The following KCNAB1 variants were observed in gnomAD, a reference collection of about 807,000 sequenced individuals.
The protein encoded by KCNAB1 is voltage-gated potassium channel subunit beta-1.
Under a neutral mutation model 64.6 loss-of-function variants are expected in KCNAB1, and 35 were observed. The ratio of observed to expected loss-of-function variants is 0.54; its 90% CI spans 0.41 to 0.72. The LOEUF is 0.72. Ranked by LOEUF, KCNAB1 falls within the 30% of genes least tolerant of loss-of-function variation. The probability of loss-of-function intolerance (pLI) is 0.00; values close to 1 mark genes in which losing one functional copy is unlikely to be tolerated. For missense variants in KCNAB1, 401 were observed against 512.9 expected, an observed-to-expected ratio of 0.78 and a Z score of 2.11; for synonymous variants, 177 against 183.8, an observed-to-expected ratio of 0.96 and a Z score of 0.30.
Position 156,403,373 on chromosome 3 carries a change from C to A in KCNAB1, c.276-18243C>A, listed in dbSNP as rs528150835. Among the ~76,000 whole-genome samples the A allele has an allele frequency of 2.6e-5, 4 of 152,292 alleles. No homozygotes were observed. The South Asian group carries it at 6.2e-4, about 24-fold the overall frequency. On this transcript the variant is annotated intron_variant, in intron 1 of 13. Transcript: ENST00000490337. ...CTAAGTCTGAGATTCCCACAGAATT[C>A]TCTGGTTATTTCTATTCTTTCTTTA...
intron 1 of KCNAB1, among the ~76,000 whole-genome samples, chr3:156,417,991 G>T: frequency 6.6e-6 from 1 of 152,192 alleles, no homozygotes; most frequent in Non-Finnish European, 1.5e-5. Flanking sequence ...GATGTCATTT[G>T]TTTCTAATAT....
intron 1 of KCNAB1, among the ~76,000 whole-genome samples, chr3:156,372,522 C>T (rs1050616976): frequency 6.6e-6 from 1 of 152,214 alleles, no homozygotes; most frequent in Non-Finnish European, 1.5e-5. Flanking sequence ...GCTTTTCTAG[C>T]AAGCTCCCAG....
intron 1 of KCNAB1, among the ~76,000 whole-genome samples, chr3:156,242,501 G>A (rs570879905): frequency 1.1e-4 from 17 of 151,822 alleles, no homozygotes; most frequent in South Asian, 1.0e-3. Flanking sequence ...TCTAGTTGTC[G>A]TATATCCTCT....
intron 1 of KCNAB1, among the ~76,000 whole-genome samples, chr3:156,281,586 A>G (rs1468555113): frequency 7.9e-5 from 12 of 152,198 alleles, no homozygotes. Context: ...CTGTGAGTCC[A>G]TCTGGTCCTG....
chr3:156,157,262 A>C (rs1408498581), intron 1 of KCNAB1, among the ~76,000 whole-genome samples: 1 of 152,154 alleles, frequency 6.6e-6, no homozygotes, highest in Non-Finnish European at 1.5e-5. Flanking sequence ...TTTAATTCTG[A>C]ACTCCTACTT....
At chr3:156,478,028 T>C (rs996718975) in intron 8 of KCNAB1, among the ~76,000 whole-genome samples, 2 of 152,212 alleles carry the variant, frequency 1.3e-5, no homozygotes, top group African/African-American at 4.8e-5. Context: ...ATGTTATTTA[T>C]AATCAAATTA....
intron 8 of KCNAB1, among the ~76,000 whole-genome samples, chr3:156,509,375 G>GTGCTGCTGC (rs67594426): frequency 1.4e-4 from 21 of 151,058 alleles, no homozygotes; most frequent in African/African-American, 3.9e-4. Flanking sequence ...AAGTTTCCAG[G>GTGCTGCTGC]TGCTGCTGCT....
intron 6 of KCNAB1, 36 bp from the exon 7 acceptor site, chr3:156,465,605 ACT>A: frequency 6.3e-7 from 1 of 1,578,572 alleles, no homozygotes; most frequent in Non-Finnish European, 8.7e-7. Context: ...AAGAAAGCAC[ACT>A]CTCATTCAAA....
chr3:156,523,749 C>A, intron 11 of KCNAB1, 78 bp from the exon 12 acceptor site: 5 of 1,345,688 alleles, frequency 3.7e-6, no homozygotes, highest in Non-Finnish European at 5.2e-6. Flanking sequence ...ATGAGGTTCA[C>A]ATATTTTATT....
chr3:156,221,144 G>A lies in KCNAB1; in HGVS notation c.275+100258G>A, dbSNP rs144652599. ...GCCTTGTAGTATAGTTTGAAGTCAG[G>A]TAGCATGATACCTCCAGCTTTGTTC... On this transcript the variant is annotated intron_variant, in intron 1 of 13. Coordinates refer to ENST00000490337, the MANE Select transcript of KCNAB1 (RefSeq NM_172160.3). Among the ~76,000 whole-genome samples, 893 of 152,272 alleles carry A rather than the reference G, an allele frequency of 5.9e-3. 11 individuals are homozygous for A. The highest frequency in any genetic ancestry group is 0.02 in the African/African-American group (825 of 41,524).
intron 1 of KCNAB1, among the ~76,000 whole-genome samples, chr3:156,411,242 T>C (rs1714640449): frequency 6.6e-6 from 1 of 152,238 alleles, no homozygotes; most frequent in African/African-American, 2.4e-5. Flanking sequence ...TCTTCTTTGG[T>C]GAAGTATCTG....
intron 1 of KCNAB1, among the ~76,000 whole-genome samples, chr3:156,382,572 G>C (rs1231708379): frequency 6.6e-6 from 1 of 152,138 alleles, no homozygotes; most frequent in African/African-American, 2.4e-5. Context: ...TGTGATACTG[G>C]TTGGTGCCAT....
intron 1 of KCNAB1, among the ~76,000 whole-genome samples, chr3:156,146,308 AC>A (rs1715036195): frequency 6.6e-6 from 1 of 152,166 alleles, no homozygotes; most frequent in South Asian, 2.1e-4. Flanking sequence ...TTTATCAGTG[AC>A]TATAAAATGG....
At chr3:156,442,235 G>T (rs923750798) in intron 2 of KCNAB1, among the ~76,000 whole-genome samples, 4 of 152,062 alleles carry the variant, frequency 2.6e-5, no homozygotes, top group Non-Finnish European at 4.4e-5. Context: ...TTGTTTCTAG[G>T]GGTAGATTTA....
chr3:156,469,424 T>C (rs1020830902), intron 7 of KCNAB1, among the ~76,000 whole-genome samples: 2 of 151,904 alleles, frequency 1.3e-5, no homozygotes, highest in South Asian at 2.1e-4. Context: ...GCCCAGCTAA[T>C]TTTTTTGTAT....
intron 1 of KCNAB1, among the ~76,000 whole-genome samples, chr3:156,199,674 T>A (rs1714198318): frequency 6.6e-6 from 1 of 152,232 alleles, no homozygotes; most frequent in Non-Finnish European, 1.5e-5. Flanking sequence ...CATCAGGTCA[T>A]TTATGTTCTT....
rs367664734 is a variant in KCNAB1, at chr3:156,538,129, A to T, written c.*1382A>T. ...CTATACTGTGTCAATATCTGTAAAA[A>T]GAGAGAAAACATGTTTTGTTTTTTT... On this transcript the variant is annotated 3_prime_UTR_variant, in exon 14 of 14. Coordinates refer to ENST00000490337, the MANE Select transcript of KCNAB1 (RefSeq NM_172160.3). 5 of 138,792 alleles carry T rather than the reference A, an allele frequency of 3.6e-5. No homozygotes were observed. The highest frequency in any genetic ancestry group is 2.2e-4 in the East Asian group (1 of 4,626). The allele number at this position is 138,792 out of a possible 1,614,324, so 8.6% of individuals were successfully genotyped here.
chr3:156,314,238 A>G (rs1462548921), intron 1 of KCNAB1, among the ~76,000 whole-genome samples: 1 of 152,210 alleles, frequency 6.6e-6, no homozygotes, highest in East Asian at 1.9e-4. Context: ...AAAGGCAAAA[A>G]TGTAGTACAT....
At chr3:156,455,060 C>T (rs992614410) in intron 3 of KCNAB1, among the ~76,000 whole-genome samples, 5 of 152,150 alleles carry the variant, frequency 3.3e-5, no homozygotes, top group African/African-American at 1.2e-4. Context: ...TGTGGCCTTC[C>T]CTGGGTCCCT....
Sources: allele counts gnomAD v4.1 joint callset (sites outside exome capture counted in the v4.1 genomes callset), GRCh38; gene constraint gnomAD v4.1.1; transcripts MANE v1.5; gene names NCBI Gene and HGNC (gene_info 2026-07-23, HGNC 2026-07-21).